Variants in IL1RAPL1 observed in about 807,000 individuals in gnomAD.
IL1RAPL1 encodes interleukin 1 receptor accessory protein like 1.
A neutral mutation model predicts 48.4 loss-of-function variants in IL1RAPL1; 3 were observed. That is an observed-to-expected ratio of 0.06 (90% CI 0.03 to 0.16). IL1RAPL1 has a LOEUF of 0.16. Among genes scored for constraint, IL1RAPL1 ranks in the 10% least tolerant of loss-of-function variants. IL1RAPL1 has a pLI of 1.00. For missense variants in IL1RAPL1, 349 were observed against 530.6 expected (o/e 0.66, Z 3.36); for synonymous variants, 185 against 187.7 (o/e 0.99, Z 0.12).
chrX:28,690,713 C>T lies in IL1RAPL1; in HGVS notation c.-24-98607C>T, dbSNP rs1935167683. On this transcript the variant is annotated intron_variant, in intron 1 of 10. Transcript: ENST00000378993. ...CCAGCAAACCTCATCCTCTCCTGCT[C>T]CCTCCCTCATGCATTTTGTTAGTCG... is the stretch of plus-strand genomic sequence containing the variant. Among the ~76,000 whole-genome samples the T allele has an allele frequency of 2.7e-5, 3 of 110,257 alleles. No homozygotes were observed. The South Asian group carries it at 1.2e-3, about 43-fold the overall frequency.
intron 2 of IL1RAPL1, among the ~76,000 whole-genome samples, chrX:29,129,720 A>G (rs369253642): frequency 0.021 from 2,171 of 102,238 alleles, 62 homozygotes; most frequent in African/African-American, 0.075. Flanking sequence ...TCAGCCTCCC[A>G]AGTAGCTGGG....
chrX:29,673,745 A>G (rs765504375), intron 6 of IL1RAPL1, among the ~76,000 whole-genome samples: 1 of 112,005 alleles, frequency 8.9e-6, no homozygotes, highest in South Asian at 3.7e-4. Context: ...TATTATAATT[A>G]TTTAAACTAT....
At chrX:28,659,186 G>T in intron 1 of IL1RAPL1, 1 of 720,847 alleles carries the variant, frequency 1.4e-6, no homozygotes, top group Non-Finnish European at 2.2e-6. Flanking sequence ...GGCCTCAGTT[G>T]CCTCCTGCAA....
At chrX:28,706,254 T>C (rs1040529850) in intron 1 of IL1RAPL1, among the ~76,000 whole-genome samples, 2 of 112,252 alleles carry the variant, frequency 1.8e-5, no homozygotes, top group African/African-American at 6.5e-5. Flanking sequence ...AGTAATTTGC[T>C]ATGCAGGTTT....
intron 2 of IL1RAPL1, among the ~76,000 whole-genome samples, chrX:28,877,258 C>T (rs963426131): frequency 1.8e-5 from 2 of 112,365 alleles, no homozygotes; most frequent in African/African-American, 6.5e-5. Context: ...TATTTTTGAA[C>T]TTGTTTTCTA....
At chrX:29,661,193 C>T (rs752536265) in intron 5 of IL1RAPL1, among the ~76,000 whole-genome samples, 1 of 112,405 alleles carries the variant, frequency 8.9e-6, no homozygotes, top group Non-Finnish European at 1.9e-5. Flanking sequence ...TCACTGAATT[C>T]ATTTATCAAA....
chrX:29,369,487 A>T (rs1393143393), intron 3 of IL1RAPL1: 1 of 111,713 alleles, frequency 9.0e-6, no homozygotes, highest in Non-Finnish European at 1.9e-5. Context: ...ACCACTCCCC[A>T]AAGCCCAGGC....
chrX:28,824,299 C>G (rs781247125), intron 2 of IL1RAPL1, among the ~76,000 whole-genome samples: 1 of 111,063 alleles, frequency 9.0e-6, no homozygotes, highest in African/African-American at 3.3e-5. Context: ...TTTATGTATT[C>G]TCAACATACT....
At chrX:29,672,362 A>G (rs1022879208) in intron 6 of IL1RAPL1, among the ~76,000 whole-genome samples, 1 of 112,041 alleles carries the variant, frequency 8.9e-6, no homozygotes, top group Non-Finnish European at 1.9e-5. Flanking sequence ...AATCTTTAAC[A>G]AAATTAATAA....
At position 29,449,174 on chromosome X, in the gene IL1RAPL1, A is replaced by G. The variant is rs149448681; in HGVS notation, c.703+49866A>G. 1.1e-3 allele frequency among the ~76,000 whole-genome samples: 119 copies of G among 111,940 alleles called. 1 individual carries two copies. The East Asian group carries it at 0.031, about 29-fold the overall frequency. ...TATACATAAGGAAACCGCGATAGAG[A>G]TAGCTTTAAAACTTTCCCAAGATTA... is the stretch of plus-strand genomic sequence containing the variant. On this transcript the variant is annotated intron_variant, in intron 5 of 10. Coordinates refer to ENST00000378993, the MANE Select transcript of IL1RAPL1 (RefSeq NM_014271.4).
intron 1 of IL1RAPL1, among the ~76,000 whole-genome samples, chrX:28,704,551 A>T (rs897901667): frequency 2.8e-5 from 3 of 108,038 alleles, no homozygotes; most frequent in African/African-American, 1.0e-4. Context: ...CACTTCTCTC[A>T]TGAAACTTAT....
At chrX:29,527,708 A>G (rs765835679) in intron 5 of IL1RAPL1, among the ~76,000 whole-genome samples, 1 of 111,701 alleles carries the variant, frequency 9.0e-6, no homozygotes, top group East Asian at 2.8e-4. Context: ...AAAACTTCGC[A>G]TGACAAAATC....
chrX:28,964,635 A>G (rs775177022), intron 2 of IL1RAPL1, among the ~76,000 whole-genome samples: 1 of 111,667 alleles, frequency 9.0e-6, no homozygotes, highest in African/African-American at 3.2e-5. Context: ...CAATTTTTAC[A>G]CTATTTGATG....
intron 3 of IL1RAPL1, among the ~76,000 whole-genome samples, chrX:29,354,067 G>A (rs1352012916): frequency 1.8e-5 from 2 of 110,214 alleles, no homozygotes; most frequent in Non-Finnish European, 3.8e-5. Context: ...TTATTTTGAT[G>A]TGCGTTTTAA....
intron 1 of IL1RAPL1, among the ~76,000 whole-genome samples, chrX:28,682,453 C>T (rs945440701): frequency 8.1e-5 from 9 of 111,088 alleles, no homozygotes; most frequent in African/African-American, 2.6e-4. Context: ...GGATGACAGG[C>T]GTGCACCACC....
chrX:29,245,434 T>C (rs753808869), intron 2 of IL1RAPL1, among the ~76,000 whole-genome samples: 1 of 111,673 alleles, frequency 9.0e-6, no homozygotes, highest in South Asian at 3.8e-4. Flanking sequence ...CTCTCCAGCA[T>C]CTGTTGTTTC....
At chrX:29,744,252 C>G (rs1419477319) in intron 6 of IL1RAPL1, among the ~76,000 whole-genome samples, 1 of 111,855 alleles carries the variant, frequency 8.9e-6, no homozygotes, top group African/African-American at 3.2e-5. Flanking sequence ...TCTTTTCCCC[C>G]TTGTGACAAT....
At chrX:28,752,410 A>G (rs1936054448) in intron 1 of IL1RAPL1, among the ~76,000 whole-genome samples, 1 of 111,895 alleles carries the variant, frequency 8.9e-6, no homozygotes, top group African/African-American at 3.3e-5. Context: ...GCTTTACTGA[A>G]CCCCTGGAAA....
intron 1 of IL1RAPL1, among the ~76,000 whole-genome samples, chrX:28,775,613 C>T (rs2038922253): frequency 8.9e-6 from 1 of 112,743 alleles, no homozygotes; most frequent in Non-Finnish European, 1.9e-5. Context: ...AGTCCCCTAC[C>T]TTAAACTACA....
Sources: gnomAD v4.1 joint callset for allele counts (sites outside exome capture counted in the v4.1 genomes callset) on GRCh38, gnomAD v4.1.1 for gene constraint, MANE v1.5 for transcripts, NCBI Gene and HGNC (gene_info 2026-07-23, HGNC 2026-07-21) for gene names.